The following CACNG3 variants were observed in gnomAD, a reference collection of about 807,000 sequenced individuals.
CACNG3 encodes calcium voltage-gated channel auxiliary subunit gamma 3.
CACNG3 carries 3 observed loss-of-function variants against 28.5 expected under a neutral mutation model. The observed-to-expected ratio is 0.11, with a 90% CI of 0.05 to 0.27. CACNG3 has a LOEUF of 0.27. CACNG3 is among the 10% of genes least tolerant of loss of function. The pLI is 1.00. For synonymous variants in CACNG3, 174 were observed against 162.2 expected, an observed-to-expected ratio of 1.07 and a Z score of -0.55; for missense variants, 236 against 414.4, an observed-to-expected ratio of 0.57 and a Z score of 3.74.
At chr16:24,257,101 T>G in intron 1 of CACNG3, 136 bp downstream of exon 1, 1 of 649,912 alleles carries the variant, frequency 1.5e-6, no homozygotes, top group Non-Finnish European at 2.7e-6. Context: ...GTGCCCAGAC[T>G]CTGTTAACAG....
chr16:24,282,274 G>A (rs1052171496), intron 1 of CACNG3, among the ~76,000 whole-genome samples: 5 of 152,132 alleles, frequency 3.3e-5, no homozygotes, highest in African/African-American at 1.2e-4. Context: ...GCCTTTTCTA[G>A]TCATGCAGTA....
chr16:24,343,095 A>G (rs1899813261), intron 1 of CACNG3, among the ~76,000 whole-genome samples: 1 of 152,114 alleles, frequency 6.6e-6, no homozygotes, highest in Non-Finnish European at 1.5e-5. Flanking sequence ...AGGCTGAGGC[A>G]GGAGAATCGC....
chr16:24,315,461 T>C (rs533882527), intron 1 of CACNG3, among the ~76,000 whole-genome samples: 1 of 148,982 alleles, frequency 6.7e-6, no homozygotes, highest in East Asian at 2.0e-4. Flanking sequence ...CTTCCTTCTT[T>C]CCTTCCTTCC....
chr16:24,290,919 G>T (rs1157364492), intron 1 of CACNG3, among the ~76,000 whole-genome samples: 1 of 152,138 alleles, frequency 6.6e-6, no homozygotes, highest in Non-Finnish European at 1.5e-5. Context: ...AGGATGATGT[G>T]TCACATAATA....
intron 1 of CACNG3, among the ~76,000 whole-genome samples, chr16:24,269,703 C>T (rs570009683): frequency 1.8e-4 from 23 of 128,254 alleles, no homozygotes; most frequent in African/African-American, 7.0e-4. Flanking sequence ...GCTGAGATAG[C>T]ACCATTGCAC....
chr16:24,315,368 C>T (rs1018544037), intron 1 of CACNG3, among the ~76,000 whole-genome samples: 1 of 152,008 alleles, frequency 6.6e-6, no homozygotes, highest in African/African-American at 2.4e-5. Context: ...ACACCTATCA[C>T]ATCACTCCTT....
chr16:24,290,428 A>G (rs1025759587), intron 1 of CACNG3, among the ~76,000 whole-genome samples: 1 of 152,212 alleles, frequency 6.6e-6, no homozygotes, highest in Non-Finnish European at 1.5e-5. Context: ...AGCCTGTTCA[A>G]TTCCATATTT....
intron 1 of CACNG3, among the ~76,000 whole-genome samples, chr16:24,301,207 A>G (rs1385406311): frequency 8.0e-6 from 1 of 125,138 alleles, no homozygotes; most frequent in African/African-American, 3.5e-5. Flanking sequence ...TGAGACTCTG[A>G]AAAAAAAAAA....
chr16:24,281,859 A>G (rs949577061), intron 1 of CACNG3, among the ~76,000 whole-genome samples: 4 of 152,234 alleles, frequency 2.6e-5, no homozygotes, highest in African/African-American at 9.6e-5. Context: ...AAACAAAACT[A>G]TAGCAAGATT....
intron 1 of CACNG3, among the ~76,000 whole-genome samples, chr16:24,282,323 A>C (rs1898840154): frequency 6.6e-6 from 1 of 152,008 alleles, no homozygotes; most frequent in Non-Finnish European, 1.5e-5. Context: ...GGGAGGCCAC[A>C]CAGACTGAAG....
At chr16:24,323,776 G>A (rs940330812) in intron 1 of CACNG3, among the ~76,000 whole-genome samples, 13 of 152,198 alleles carry the variant, frequency 8.5e-5, no homozygotes, top group Non-Finnish European at 1.8e-4. Flanking sequence ...CTTACCAGAT[G>A]TCCTTCTTTT....
chr16:24,300,882 C>T (rs1899099924), intron 1 of CACNG3, among the ~76,000 whole-genome samples: 1 of 152,022 alleles, frequency 6.6e-6, no homozygotes, highest in Non-Finnish European at 1.5e-5. Flanking sequence ...AACCCCATCT[C>T]TATGAAAAAT....
At position 24,361,313 on chromosome 16, in the gene CACNG3, G is replaced by A. The variant is rs750567092; in HGVS notation, c.437-39G>A. On this transcript the variant is annotated intron_variant, in intron 3 of 3. Coordinates refer to ENST00000005284, the MANE Select transcript of CACNG3 (RefSeq NM_006539.4). This position sits in a 1 kb window ranked among gnomAD's most constrained non-coding sequence, Gnocchi z 6.8. ...ATGGAAAGTGACAGTTCTCTCCGAG[G>A]TGTATAAAGGACGTGTTTTTCTTTT... 6.9e-7 allele frequency: 1 copy of A among 1,441,352 alleles called. No individual in the cohort carries two copies. The highest frequency in any genetic ancestry group is 1.4e-5 in the South Asian group (1 of 73,970). The allele number at this position is 1,441,352 out of a possible 1,614,324, so 89.3% of individuals were successfully genotyped here.
At chr16:24,265,223 C>T (rs1898581750) in intron 1 of CACNG3, among the ~76,000 whole-genome samples, 1 of 141,136 alleles carries the variant, frequency 7.1e-6, no homozygotes, top group Admixed American at 7.1e-5. Flanking sequence ...GCCTGGGTGA[C>T]AGAGTGAGAC....
intron 1 of CACNG3, among the ~76,000 whole-genome samples, chr16:24,267,462 A>AT (rs750284287): frequency 3.2e-4 from 49 of 152,022 alleles, no homozygotes; most frequent in Non-Finnish European, 5.3e-4. Context: ...TATTTTTAAA[A>AT]TTTTTTGTAG....
chr16:24,327,278 G>A (rs553806756), intron 1 of CACNG3, among the ~76,000 whole-genome samples: 1 of 151,248 alleles, frequency 6.6e-6, no homozygotes, highest in Admixed American at 6.6e-5. Context: ...GTTCATCCAG[G>A]CTGGGTGCTG....
intron 1 of CACNG3, among the ~76,000 whole-genome samples, chr16:24,323,648 A>G (rs534523301): frequency 1.3e-5 from 2 of 152,366 alleles, no homozygotes; most frequent in Admixed American, 1.3e-4. Context: ...AGTCAAGATC[A>G]TCATTCCCAC....
At chr16:24,273,674 C>CT (rs1485197414) in intron 1 of CACNG3, among the ~76,000 whole-genome samples, 4 of 152,156 alleles carry the variant, frequency 2.6e-5, no homozygotes, top group African/African-American at 4.8e-5. Context: ...ACATTTTTCT[C>CT]TTTGTGGTTT....
chr16:24,350,038 G>C (rs1021914416), intron 2 of CACNG3, among the ~76,000 whole-genome samples: 2 of 151,022 alleles, frequency 1.3e-5, no homozygotes, highest in Non-Finnish European at 2.9e-5. Flanking sequence ...ATATAGTTTG[G>C]GGGGAGAAAC....
Sources: allele counts gnomAD v4.1 joint callset (sites outside exome capture counted in the v4.1 genomes callset), GRCh38; gene constraint gnomAD v4.1.1; non-coding constraint Gnocchi (gnomAD v3.1); transcripts MANE v1.5; gene names NCBI Gene and HGNC (gene_info 2026-07-23, HGNC 2026-07-21).